The following ZFAND6 variants were observed in gnomAD, a reference collection of about 807,000 sequenced individuals.
ZFAND6 encodes the protein zinc finger AN1-type containing 6, also known as AN1-type zinc finger protein 6.
In ZFAND6, 12 loss-of-function variants were observed where a neutral mutation model predicts 24.5. That is an observed-to-expected ratio of 0.49 (90% CI 0.31 to 0.79). ZFAND6 has a LOEUF of 0.79. Among genes scored for constraint, ZFAND6 ranks in the 30% least tolerant of loss-of-function variants. The pLI is 0.04. For missense variants in ZFAND6, 207 were observed against 245.9 expected (o/e 0.84, Z 1.06); for synonymous variants, 92 against 81.5 (o/e 1.13, Z -0.69).
chr15:80,123,665 G>A (rs1384003319), intron 5 of ZFAND6, among the ~76,000 whole-genome samples: 1 of 152,182 alleles, frequency 6.6e-6, no homozygotes, highest in African/African-American at 2.4e-5. Context: ...CTACTTGAGA[G>A]GCTAAGGCAG....
chr15:80,110,942 G>A (rs1335554249), intron 2 of ZFAND6, among the ~76,000 whole-genome samples: 1 of 152,152 alleles, frequency 6.6e-6, no homozygotes, highest in Non-Finnish European at 1.5e-5. Flanking sequence ...GGATGGGAGG[G>A]GTCAGGCCTA....
intron 1 of ZFAND6, among the ~76,000 whole-genome samples, chr15:80,079,987 G>GT (rs890007039): frequency 9.3e-5 from 14 of 149,940 alleles, no homozygotes; most frequent in Middle Eastern, 3.5e-3. Flanking sequence ...CCGTTTTTCT[G>GT]TTTTTTTTCC....
At chr15:80,127,422 T>C (rs139634501) in intron 5 of ZFAND6, among the ~76,000 whole-genome samples, 1 of 152,022 alleles carries the variant, frequency 6.6e-6, no homozygotes, top group East Asian at 1.9e-4. Flanking sequence ...ACCCCATCTC[T>C]ACTAAAAATA....
rs200010368 is a variant in ZFAND6 at position 80,117,227 on chromosome 15, CTT to C, written c.-17-3089_-17-3088del. Among the ~76,000 whole-genome samples, 416 of 145,996 alleles carry C rather than the reference CTT, an allele frequency of 2.8e-3. 2 individuals are homozygous for C. Among genetic ancestry groups the C allele is most frequent in the Admixed American group, 7.9e-3 (116 of 14,678 alleles). On this transcript the variant is annotated intron_variant, in intron 2 of 6. Transcript: ENST00000261749. ...TTTACAAAAATATCTACTGAATACTCTTTTTTTTTTTTTGAGACGGAGTCTCG... is the reference window on the plus strand; with the variant it reads ...TTTACAAAAATATCTACTGAATACTCTTTTTTTTTTTGAGACGGAGTCTCG...
At chr15:80,084,917 C>T (rs77659651) in intron 1 of ZFAND6, among the ~76,000 whole-genome samples, 1 of 152,194 alleles carries the variant, frequency 6.6e-6, no homozygotes, top group Admixed American at 6.5e-5. Context: ...GTTAATCCTG[C>T]CATGCCCCCT....
At chr15:80,109,522 G>T (rs914726809) in intron 2 of ZFAND6, among the ~76,000 whole-genome samples, 1 of 152,150 alleles carries the variant, frequency 6.6e-6, no homozygotes, top group Non-Finnish European at 1.5e-5. Flanking sequence ...AAGTACAAAG[G>T]CCTCAGACAG....
intron 1 of ZFAND6, among the ~76,000 whole-genome samples, chr15:80,065,329 T>TGAAG (rs2036562410): frequency 2.0e-5 from 3 of 151,964 alleles, no homozygotes; most frequent in Non-Finnish European, 4.4e-5. Context: ...GCACATCTTC[T>TGAAG]TGGTTCTTTT....
intron 3 of ZFAND6, 82 bp downstream of exon 3, chr15:80,120,580 C>T: frequency 2.6e-6 from 3 of 1,175,714 alleles, no homozygotes; most frequent in East Asian, 2.8e-5. Flanking sequence ...CCTTTTTCTG[C>T]TCTCACATTA....
chr15:80,091,704 A>G (rs1295508410), intron 1 of ZFAND6, among the ~76,000 whole-genome samples: 1 of 152,132 alleles, frequency 6.6e-6, no homozygotes. Flanking sequence ...CAGACGCACA[A>G]TCATAGCTCA....
intron 1 of ZFAND6, among the ~76,000 whole-genome samples, chr15:80,096,987 A>G (rs2038761815): frequency 6.6e-6 from 1 of 151,468 alleles, no homozygotes; most frequent in East Asian, 1.9e-4. Flanking sequence ...AAGTTTAGAT[A>G]TAATGTGTTA....
At chr15:80,133,664 C>A (rs940870847) in intron 6 of ZFAND6, among the ~76,000 whole-genome samples, 19 of 152,162 alleles carry the variant, frequency 1.2e-4, no homozygotes, top group African/African-American at 4.6e-4. Flanking sequence ...TTAATGCAGA[C>A]AAAAGTGCCC....
At chr15:80,103,135 A>G (rs1484858566) in intron 2 of ZFAND6, among the ~76,000 whole-genome samples, 1 of 152,214 alleles carries the variant, frequency 6.6e-6, no homozygotes, top group Non-Finnish European at 1.5e-5. Flanking sequence ...AGATTGTCTT[A>G]GAAGGGAATG....
intron 1 of ZFAND6, among the ~76,000 whole-genome samples, chr15:80,077,697 C>CTTTTTTTTT (rs11441423): frequency 4.3e-5 from 5 of 115,308 alleles, no homozygotes; most frequent in African/African-American, 1.7e-4. Context: ...AGTTTTCTTT[C>CTTTTTTTTT]TTTTTTTTTT....
In ZFAND6 at chr15:80,105,890, A is replaced by G. The variant is rs757691221; in HGVS notation, c.-18+7312A>G. On this transcript the variant is annotated intron_variant, in intron 2 of 6. Coordinates refer to ENST00000261749, the MANE Select transcript of ZFAND6 (RefSeq NM_019006.4). ...AATCATTTCTGGCATCCATTTTTAT[A>G]TACCTCTATGAAGTGAGAGTGGTGT... is the stretch of plus-strand genomic sequence containing the variant. 4.6e-5 allele frequency among the ~76,000 whole-genome samples: 7 copies of G among 152,216 alleles called. No individual in the cohort carries two copies. The East Asian group carries it at 5.8e-4, about 13-fold the overall frequency.
At chr15:80,074,447 GAGGAGACTGGAGTAGTGCCAGTTAACATT>G (rs1328779604) in intron 1 of ZFAND6, among the ~76,000 whole-genome samples, 2 of 151,714 alleles carry the variant, frequency 1.3e-5, no homozygotes, top group Admixed American at 6.6e-5. Flanking sequence ...ACATTTTTAG[GAGGAGACTGGAGTAGTGCCAGTTAACATT>G]AGGAGACTGG....
intron 2 of ZFAND6, among the ~76,000 whole-genome samples, chr15:80,115,688 A>AT (rs2039842997): frequency 6.6e-6 from 1 of 151,538 alleles, no homozygotes; most frequent in Admixed American, 6.6e-5. Context: ...AATAAGACTG[A>AT]TTCTTTTTTT....
rs28519404 is a variant in ZFAND6 at position 80,085,350 on chromosome 15, C to A, written c.-180-13066C>A. On this transcript the variant is annotated intron_variant, in intron 1 of 6. Coordinates refer to ENST00000261749, the MANE Select transcript of ZFAND6 (RefSeq NM_019006.4). ...TTACTGTATCCTCAGATCCTAGAAC[C>A]GTAGCTGGCACATAGGAAATGCTTA... is the stretch of plus-strand genomic sequence containing the variant. Among the ~76,000 whole-genome samples, 301 of 152,256 alleles carry A rather than the reference C, an allele frequency of 2.0e-3. 2 individuals are homozygous for A. Among genetic ancestry groups the A allele is most frequent in the Admixed American group, 3.5e-3 (54 of 15,296 alleles).
intron 1 of ZFAND6, among the ~76,000 whole-genome samples, chr15:80,063,683 T>G (rs2036458718): frequency 6.6e-6 from 1 of 151,996 alleles, no homozygotes; most frequent in Non-Finnish European, 1.5e-5. Context: ...CCCCAGTAGC[T>G]GGGACTACAG....
intron 5 of ZFAND6, 97 bp from the exon 6 acceptor site, chr15:80,131,083 C>T: frequency 1.1e-6 from 1 of 876,184 alleles, no homozygotes; most frequent in South Asian, 2.7e-5. Context: ...TAATAAATTC[C>T]TCAGTATCCT....
Sources: gnomAD v4.1 joint callset for allele counts (sites outside exome capture counted in the v4.1 genomes callset) on GRCh38, gnomAD v4.1.1 for gene constraint, MANE v1.5 for transcripts, NCBI Gene and HGNC (gene_info 2026-07-23, HGNC 2026-07-21) for gene names.